The following CTSO variants were observed in gnomAD, a reference collection of about 807,000 sequenced individuals.
The protein encoded by CTSO is cathepsin O.
In CTSO, 40 loss-of-function variants were observed where a neutral mutation model predicts 42.4. That is an observed-to-expected ratio of 0.94 (90% CI 0.73 to 1.23). CTSO has a LOEUF of 1.23. Among genes scored for constraint, CTSO ranks in the 50% most tolerant of loss-of-function variants. The pLI is 0.00. For missense variants in CTSO, 441 were observed against 396.0 expected, an observed-to-expected ratio of 1.11 and a Z score of -0.96; for synonymous variants, 156 against 146.2, an observed-to-expected ratio of 1.07 and a Z score of -0.48.
Position 155,925,556 on chromosome 4 carries a change from A to C in CTSO, c.*480T>G, listed in dbSNP as rs1325445236. 2 of 153,606 alleles carry C rather than the reference A, an allele frequency of 1.3e-5. No homozygotes were observed. Among genetic ancestry groups the C allele is most frequent in the Non-Finnish European group, 2.9e-5 (2 of 69,130 alleles). The allele number at this position is 153,606 out of a possible 1,614,324, so 9.5% of individuals were successfully genotyped here. A position where few individuals can be genotyped will look rare whatever the true frequency, so the allele number is the denominator to read the frequency against. The stretch of plus-strand genomic sequence containing the variant: ...GATACGCCATCTCAGAGGGCTGCTA[A>C]TATAACTAACTGTACAAGACACACA... On this transcript the variant is annotated 3_prime_UTR_variant, in exon 8 of 8. Transcript: ENST00000433477.
intron 5 of CTSO, among the ~76,000 whole-genome samples, chr4:155,932,118 T>C (rs767069753): frequency 2.2e-4 from 34 of 152,296 alleles, no homozygotes; most frequent in Non-Finnish European, 4.6e-4. Context: ...TTCTGGGGTC[T>C]GATAAACAAA....
At chr4:155,928,241 C>A in intron 7 of CTSO, 95 bp downstream of exon 7, 1 of 780,816 alleles carries the variant, frequency 1.3e-6, no homozygotes, top group Non-Finnish European at 1.9e-6. Flanking sequence ...AAAATTATTA[C>A]TGCTAAAGTG....
intron 1 of CTSO, among the ~76,000 whole-genome samples, chr4:155,947,585 C>T (rs543828105): frequency 4.9e-4 from 74 of 152,306 alleles, no homozygotes; most frequent in African/African-American, 1.8e-3. Flanking sequence ...TTGCTATACA[C>T]TTATCAAGTT....
chr4:155,934,620 G>A (rs553080428), intron 5 of CTSO, among the ~76,000 whole-genome samples: 1 of 152,334 alleles, frequency 6.6e-6, no homozygotes, highest in Non-Finnish European at 1.5e-5. Context: ...TCTTGCATCA[G>A]CATGACTTGG....
chr4:155,943,017 TACATGCCTG>T, intron 2 of CTSO, 130 bp downstream of exon 2: 1 of 607,812 alleles, frequency 1.6e-6, no homozygotes, highest in Non-Finnish European at 3.0e-6. Context: ...GAGCACATGG[TACATGCCTG>T]ACATTTAGTA....
intron 5 of CTSO, 49 bp downstream of exon 5, chr4:155,937,313 C>T: frequency 6.8e-7 from 1 of 1,465,528 alleles, no homozygotes; most frequent in Non-Finnish European, 9.5e-7. Flanking sequence ...GTCAATAGAT[C>T]ATAAATTAAA....
chr4:155,945,933 G>GCA (rs367965940), intron 1 of CTSO, among the ~76,000 whole-genome samples: 2 of 151,836 alleles, frequency 1.3e-5, no homozygotes, highest in African/African-American at 2.4e-5. Flanking sequence ...CACCAAATGC[G>GCA]CACACACACA....
intron 7 of CTSO, among the ~76,000 whole-genome samples, chr4:155,926,582 C>T (rs1743132620): frequency 2.0e-5 from 3 of 152,162 alleles, no homozygotes; most frequent in Non-Finnish European, 4.4e-5. Context: ...TTATAACTAA[C>T]CGTATCTTCG....
chr4:155,949,603 C>T (rs770080772), intron 1 of CTSO, among the ~76,000 whole-genome samples: 25 of 152,180 alleles, frequency 1.6e-4, no homozygotes, highest in Non-Finnish European at 3.4e-4. Context: ...CTTTCATTTG[C>T]AGATTTTGAA....
chr4:155,928,564 A>G (rs1743172562), intron 6 of CTSO, 136 bp from the exon 7 acceptor site: 2 of 606,760 alleles, frequency 3.3e-6, no homozygotes, highest in Non-Finnish European at 5.8e-6. Context: ...ATTTAATGGT[A>G]ACTTAAACTA....
At chr4:155,953,582 C>G in intron 1 of CTSO, 131 bp downstream of exon 1, 2 of 1,114,632 alleles carry the variant, frequency 1.8e-6, no homozygotes, top group Non-Finnish European at 2.3e-6. Context: ...CAGCTCAGGG[C>G]CCCAGACGCA....
chr4:155,946,406 T>C (rs1377136911), intron 1 of CTSO, among the ~76,000 whole-genome samples: 3 of 152,358 alleles, frequency 2.0e-5, no homozygotes, highest in Non-Finnish European at 4.4e-5. Flanking sequence ...TAAATATTTA[T>C]GTCCCTAATT....
chr4:155,938,280 G>A (rs1283274971), intron 4 of CTSO, among the ~76,000 whole-genome samples: 1 of 152,120 alleles, frequency 6.6e-6, no homozygotes. Context: ...TGAATGCTAG[G>A]CTAATGAAAG....
At chr4:155,929,060 G>A (rs533763512) in intron 6 of CTSO, among the ~76,000 whole-genome samples, 34 of 152,312 alleles carry the variant, frequency 2.2e-4, no homozygotes, top group East Asian at 3.9e-4. Flanking sequence ...GCTTAAAGGC[G>A]TTCTTAAGCC....
intron 3 of CTSO, among the ~76,000 whole-genome samples, chr4:155,940,575 C>A (rs1743411383): frequency 6.6e-6 from 1 of 152,144 alleles, no homozygotes; most frequent in Non-Finnish European, 1.5e-5. Flanking sequence ...GAACACAGGG[C>A]AGCTCATGCC....
At chr4:155,953,412 A>G (rs192525416) in intron 1 of CTSO, among the ~76,000 whole-genome samples, 11 of 152,338 alleles carry the variant, frequency 7.2e-5, no homozygotes, top group Admixed American at 2.0e-4. Context: ...TCTTCCCACC[A>G]AGGACACTTT....
chr4:155,943,074 G>A, intron 2 of CTSO, 82 bp downstream of exon 2: 1 of 833,734 alleles, frequency 1.2e-6, no homozygotes, highest in Non-Finnish European at 2.0e-6. Flanking sequence ...CAATATATTA[G>A]ATTTACAATG....
intron 1 of CTSO, among the ~76,000 whole-genome samples, chr4:155,946,771 A>G (rs1176077979): frequency 6.6e-6 from 1 of 152,176 alleles, no homozygotes; most frequent in Non-Finnish European, 1.5e-5. Flanking sequence ...CCCTACCACT[A>G]ATCTCTACCC....
intron 1 of CTSO, among the ~76,000 whole-genome samples, chr4:155,952,316 A>G (rs1743689205): frequency 6.6e-6 from 1 of 152,162 alleles, no homozygotes; most frequent in Non-Finnish European, 1.5e-5. Flanking sequence ...GAGTCACTAC[A>G]TAAATTATAC....
Sources: gnomAD v4.1 joint callset for allele counts (sites outside exome capture counted in the v4.1 genomes callset) on GRCh38, gnomAD v4.1.1 for gene constraint, MANE v1.5 for transcripts, NCBI Gene and HGNC (gene_info 2026-07-23, HGNC 2026-07-21) for gene names.